ACTR3B: variants seen among roughly 807,000 people sequenced by gnomAD.
The protein encoded by ACTR3B is actin-related protein 3B.
ACTR3B carries 8 observed loss-of-function variants against 59.0 expected under a neutral mutation model. That is an observed-to-expected ratio of 0.14 (90% CI 0.08 to 0.24). The LOEUF (loss-of-function observed/expected upper bound fraction) is 0.24. Among genes scored for constraint, ACTR3B ranks in the 10% least tolerant of loss-of-function variants. The pLI, the probability that ACTR3B is intolerant of heterozygous loss-of-function variation, is 1.00. For missense variants in ACTR3B, 245 were observed against 552.3 expected, an observed-to-expected ratio of 0.44 and a Z score of 5.58; for synonymous variants, 148 against 197.9, an observed-to-expected ratio of 0.75 and a Z score of 2.12.
chr7:152,832,292 T>C (rs1797093227), intron 9 of ACTR3B, among the ~76,000 whole-genome samples: 1 of 152,012 alleles, frequency 6.6e-6, no homozygotes, highest in Non-Finnish European at 1.5e-5. Flanking sequence ...TTGGTGGAGA[T>C]GTTGAGTTGC....
intron 9 of ACTR3B, among the ~76,000 whole-genome samples, chr7:152,841,467 G>A (rs1797865021): frequency 6.7e-6 from 1 of 150,308 alleles, no homozygotes; most frequent in African/African-American, 2.4e-5. Flanking sequence ...AGAGATCAAG[G>A]GTTGTTCCTT....
At chr7:152,781,063 A>C (rs1386331702) in intron 1 of ACTR3B, among the ~76,000 whole-genome samples, 5 of 152,052 alleles carry the variant, frequency 3.3e-5, no homozygotes, top group Non-Finnish European at 5.9e-5. Context: ...ATTTGAACTC[A>C]GTGTGGTGCC....
At chr7:152,784,398 A>G (rs1478055825) in intron 2 of ACTR3B, among the ~76,000 whole-genome samples, 1 of 152,172 alleles carries the variant, frequency 6.6e-6, no homozygotes, top group Non-Finnish European at 1.5e-5. Context: ...TATTCACATC[A>G]CTAGAAAGCG....
intron 1 of ACTR3B, among the ~76,000 whole-genome samples, chr7:152,780,321 C>A (rs2098148121): frequency 7.1e-6 from 1 of 140,380 alleles, no homozygotes; most frequent in African/African-American, 2.7e-5. Flanking sequence ...ACTGCACTCT[C>A]TAGCCTGCTC....
intron 4 of ACTR3B, chr7:152,812,019 C>CTTTTT (rs1164677748): frequency 0.015 from 345 of 23,360 alleles, 111 homozygotes; most frequent in Middle Eastern, 0.091. Context: ...AAATAAAAGT[C>CTTTTT]TTTTTTTTTT....
chr7:152,769,298 C>T (rs553394596), intron 1 of ACTR3B, among the ~76,000 whole-genome samples: 1 of 152,250 alleles, frequency 6.6e-6, no homozygotes, highest in East Asian at 1.9e-4. Flanking sequence ...TATTGGTTAT[C>T]TAGATAGAAA....
At chr7:152,781,196 T>TG (rs1461909316) in intron 1 of ACTR3B, among the ~76,000 whole-genome samples, 1 of 147,150 alleles carries the variant, frequency 6.8e-6, no homozygotes, top group Non-Finnish European at 1.5e-5. Flanking sequence ...TTCAGTGGTT[T>TG]TTTTTTTTTT....
intron 10 of ACTR3B, among the ~76,000 whole-genome samples, chr7:152,852,739 G>A (rs1236822567): frequency 6.6e-6 from 1 of 152,174 alleles, no homozygotes; most frequent in Non-Finnish European, 1.5e-5. Context: ...GGGGCAGTGG[G>A]CGCAAGGAAG....
intron 2 of ACTR3B, among the ~76,000 whole-genome samples, chr7:152,785,169 A>G (rs2098167363): frequency 6.6e-6 from 1 of 151,666 alleles, no homozygotes; most frequent in Non-Finnish European, 1.5e-5. Flanking sequence ...GGTAGCATTC[A>G]GTTGGCTGCC....
At chr7:152,833,727 T>C (rs1428427766) in intron 9 of ACTR3B, among the ~76,000 whole-genome samples, 2 of 152,226 alleles carry the variant, frequency 1.3e-5, no homozygotes, top group African/African-American at 4.8e-5. Flanking sequence ...CTGACATAAA[T>C]TTCAGGAGAT....
rs542178718 is a variant in ACTR3B at position 152,848,836 on chromosome 7, C to G, written c.952-3290C>G. Among the ~76,000 whole-genome samples, 3 of 152,256 alleles carry G rather than the reference C, an allele frequency of 2.0e-5. No individual in the cohort carries two copies. The South Asian group carries it at 6.2e-4, about 32-fold the overall frequency. ...TTACGTGATTTCCAGCTGCCACCCC[C>G]CCGTAGCTGCAGCTGTGGTTGATGG... On this transcript the variant is annotated intron_variant, in intron 9 of 11. Coordinates refer to ENST00000256001, the MANE Select transcript of ACTR3B (RefSeq NM_020445.6).
At chr7:152,846,234 C>G (rs939084449) in intron 9 of ACTR3B, among the ~76,000 whole-genome samples, 19 of 147,252 alleles carry the variant, frequency 1.3e-4, no homozygotes, top group African/African-American at 4.6e-4. Context: ...GCAGTGAGCT[C>G]TAGTGCCCGG....
chr7:152,759,808 C>T lies in ACTR3B; in HGVS notation c.-75C>T, dbSNP rs1436479440. 4 of 1,117,806 alleles carry T rather than the reference C, an allele frequency of 3.6e-6. No homozygotes were observed. The highest frequency in any genetic ancestry group is 8.2e-5 in the South Asian group (2 of 24,338). The allele number at this position is 1,117,806 out of a possible 1,614,324, so 69.2% of individuals were successfully genotyped here. A position where few individuals can be genotyped will look rare whatever the true frequency, so the allele number is the denominator to read the frequency against. ...CTCGCGGGAGACGCTGCGCGCGGGG[C>T]TAGCGGGCGGCGGAGCGGACGGCGA... On this transcript the variant is annotated 5_prime_UTR_variant, in exon 1 of 12. Coordinates refer to ENST00000256001, the MANE Select transcript of ACTR3B (RefSeq NM_020445.6).
At chr7:152,853,429 C>G (rs943566386) in intron 10 of ACTR3B, 65 bp from the exon 11 acceptor site, 40 of 1,497,320 alleles carry the variant, frequency 2.7e-5, no homozygotes, top group Non-Finnish European at 3.6e-5. Context: ...TCTCGTCAGC[C>G]GGGGGATGAT....
chr7:152,768,212 G>C (rs1228308511), intron 1 of ACTR3B, among the ~76,000 whole-genome samples: 1 of 152,242 alleles, frequency 6.6e-6, no homozygotes, highest in Non-Finnish European at 1.5e-5. Context: ...AACAGAGCCA[G>C]ACGCTGTCTC....
At position 152,787,047 on chromosome 7, in the gene ACTR3B, T is replaced by C. The variant is rs557991650; in HGVS notation, c.100+3805T>C. ...TTCCTGAGAGGAAATAATCAGAAAT[T>C]GTTTTGTCACAGAGCGTACACCCCT... is the stretch of plus-strand genomic sequence containing the variant. On this transcript the variant is annotated intron_variant, in intron 2 of 11. Transcript: ENST00000256001. Among the ~76,000 whole-genome samples, 55 of 152,264 alleles carry C rather than the reference T, an allele frequency of 3.6e-4. No individual in the cohort carries two copies. The South Asian group carries it at 6.8e-3, about 19-fold the overall frequency.
chr7:152,826,633 A>G (rs896579695), intron 9 of ACTR3B, among the ~76,000 whole-genome samples: 9 of 152,098 alleles, frequency 5.9e-5, no homozygotes, highest in Admixed American at 1.3e-4. Flanking sequence ...CTCATCAGTG[A>G]AAGCAGCAGC....
At chr7:152,804,576 A>G (rs2098246578) in intron 4 of ACTR3B, among the ~76,000 whole-genome samples, 1 of 152,166 alleles carries the variant, frequency 6.6e-6, no homozygotes, top group African/African-American at 2.4e-5. Flanking sequence ...AGGAGGGCGT[A>G]GGGTGAGAAT....
At chr7:152,772,082 A>G (rs1167588717) in intron 1 of ACTR3B, among the ~76,000 whole-genome samples, 1 of 152,190 alleles carries the variant, frequency 6.6e-6, no homozygotes, top group African/African-American at 2.4e-5. Context: ...AAAACAAAAC[A>G]AACCCCTGAA....
Sources: gnomAD v4.1 joint callset for allele counts (sites outside exome capture counted in the v4.1 genomes callset) on GRCh38, gnomAD v4.1.1 for gene constraint, MANE v1.5 for transcripts, NCBI Gene and HGNC (gene_info 2026-07-23, HGNC 2026-07-21) for gene names.